Variants in PRTFDC1 observed in about 807,000 individuals in gnomAD.
PRTFDC1 encodes phosphoribosyl transferase domain containing 1.
PRTFDC1 carries 38 observed loss-of-function variants against 34.6 expected under a neutral mutation model. The ratio of observed to expected loss-of-function variants is 1.10; its 90% CI spans 0.85 to 1.44. The LOEUF (loss-of-function observed/expected upper bound fraction) is 1.44, where lower values mean the gene tolerates loss of function less well. Ranked by LOEUF, PRTFDC1 falls within the 40% of genes most tolerant of loss-of-function variation. The pLI, the probability that PRTFDC1 is intolerant of heterozygous loss-of-function variation, is 0.00. For missense variants in PRTFDC1, 270 were observed against 283.0 expected (o/e 0.95, Z 0.33); for synonymous variants, 93 against 98.1 (o/e 0.95, Z 0.31).
At chr10:24,892,407 A>AT (rs59897617) in intron 3 of PRTFDC1, among the ~76,000 whole-genome samples, 160 of 148,838 alleles carry the variant, frequency 1.1e-3, no homozygotes, top group Middle Eastern at 3.5e-3. Flanking sequence ...AGCATTTGTG[A>AT]TTTTTTTTTT....
intron 3 of PRTFDC1, among the ~76,000 whole-genome samples, chr10:24,894,869 C>T (rs1457016074): frequency 1.3e-5 from 2 of 152,260 alleles, no homozygotes; most frequent in East Asian, 3.9e-4. Flanking sequence ...TGCAGCCTGG[C>T]TCAGAGTGGG....
intron 3 of PRTFDC1, among the ~76,000 whole-genome samples, chr10:24,902,746 T>G (rs1051011225): frequency 1.3e-5 from 2 of 152,236 alleles, no homozygotes; most frequent in African/African-American, 4.8e-5. Flanking sequence ...AGATTACAGT[T>G]AGATTTCCTT....
intron 3 of PRTFDC1, among the ~76,000 whole-genome samples, chr10:24,885,168 G>A (rs1312385735): frequency 6.6e-6 from 1 of 152,208 alleles, no homozygotes; most frequent in Non-Finnish European, 1.5e-5. Context: ...TCAGCAAAGG[G>A]TATGTGGATC....
chr10:24,899,213 G>T (rs1019237831), intron 3 of PRTFDC1, among the ~76,000 whole-genome samples: 4 of 152,140 alleles, frequency 2.6e-5, no homozygotes, highest in Admixed American at 6.6e-5. Context: ...GGCAACTGAG[G>T]AAATTGCTGG....
intron 3 of PRTFDC1, among the ~76,000 whole-genome samples, chr10:24,879,211 T>G (rs1848023890): frequency 6.6e-6 from 1 of 152,152 alleles, no homozygotes; most frequent in African/African-American, 2.4e-5. Flanking sequence ...AGATGTGACT[T>G]GTAATTGAGT....
chr10:24,938,446 G>T (rs1338076777), intron 2 of PRTFDC1, among the ~76,000 whole-genome samples: 1 of 152,170 alleles, frequency 6.6e-6, no homozygotes, highest in African/African-American at 2.4e-5. Flanking sequence ...ATTCTTGTGT[G>T]GGGATGCTCT....
chr10:24,902,906 A>C (rs1287107836), intron 3 of PRTFDC1, among the ~76,000 whole-genome samples: 2 of 152,224 alleles, frequency 1.3e-5, no homozygotes, highest in Non-Finnish European at 2.9e-5. Flanking sequence ...TTTAATAAGA[A>C]AATATAGGGG....
chr10:24,899,803 C>T (rs1848422193), intron 3 of PRTFDC1, among the ~76,000 whole-genome samples: 1 of 152,180 alleles, frequency 6.6e-6, no homozygotes, highest in South Asian at 2.1e-4. Flanking sequence ...CAATAAAATG[C>T]TCTAATTCAG....
chr10:24,950,098 A>G (rs149698617), intron 1 of PRTFDC1, among the ~76,000 whole-genome samples: 509 of 152,252 alleles, frequency 3.3e-3, no homozygotes, highest in Middle Eastern at 0.014. Context: ...CTTGCTTCCA[A>G]GAGGACCTCT....
At chr10:24,897,517 C>G (rs1162099687) in intron 3 of PRTFDC1, among the ~76,000 whole-genome samples, 1 of 152,098 alleles carries the variant, frequency 6.6e-6, no homozygotes, top group Admixed American at 6.6e-5. Flanking sequence ...GGCAGGAAAC[C>G]CTGTTAGCAT....
At position 24,849,303 on chromosome 10, in the gene PRTFDC1, T is replaced by C. The variant is rs1225915904; in HGVS notation, c.*541A>G. The C allele has an allele frequency of 6.5e-6, 1 of 152,806 alleles. No individual in the cohort carries two copies. The highest frequency in any genetic ancestry group is 1.5e-5 in the Non-Finnish European group (1 of 68,158). 9.5% of individuals were successfully genotyped at this position (152,806 alleles called of 1,614,324 possible). ...AAGGCTTTGTCAAAGCAGATAATAA[T>C]GGCCTGTCAGAAATGCACAAACAGA... On this transcript the variant is annotated 3_prime_UTR_variant, in exon 9 of 9. Coordinates refer to ENST00000320152, the MANE Select transcript of PRTFDC1 (RefSeq NM_020200.7).
chr10:24,907,956 T>G lies in PRTFDC1; in HGVS notation c.339+29228A>C, dbSNP rs529162873. ...TCTAGGGCTAGGCAACAAAATGGCA[T>G]GACCTTTGTCCTAAGAGTTTGATTT... On this transcript the variant is annotated intron_variant, in intron 3 of 8. Transcript: ENST00000320152. Among the ~76,000 whole-genome samples, 3 of 152,350 alleles carry G rather than the reference T, an allele frequency of 2.0e-5. No homozygotes were observed. The South Asian group carries it at 6.2e-4, about 32-fold the overall frequency.
rs551037994 is a variant in PRTFDC1 at position 24,881,410 on chromosome 10, G to A, written c.340-9347C>T. Among the ~76,000 whole-genome samples, 4 of 152,218 alleles carry A rather than the reference G, an allele frequency of 2.6e-5. No homozygotes were observed. The East Asian group carries it at 5.8e-4, about 22-fold the overall frequency. On this transcript the variant is annotated intron_variant, in intron 3 of 8. Coordinates refer to ENST00000320152, the MANE Select transcript of PRTFDC1 (RefSeq NM_020200.7). ...ACCTGGAGATCATGCTCTGACCCAC[G>A]TTTGTACTTATTGGCTCTCCCTGGA...
chr10:24,934,266 A>G (rs1318865822), intron 3 of PRTFDC1, among the ~76,000 whole-genome samples: 1 of 146,396 alleles, frequency 6.8e-6, no homozygotes, highest in African/African-American at 2.5e-5. Context: ...GAAGAAGAAG[A>G]AGAAGAAGAA....
intron 3 of PRTFDC1, among the ~76,000 whole-genome samples, chr10:24,894,413 G>T (rs1254710415): frequency 2.0e-5 from 3 of 152,122 alleles, no homozygotes; most frequent in Admixed American, 2.0e-4. Flanking sequence ...TGCATGAGCT[G>T]TGAGTCATGC....
intron 1 of PRTFDC1, among the ~76,000 whole-genome samples, chr10:24,949,924 A>G (rs1849313598): frequency 2.6e-5 from 4 of 151,838 alleles, no homozygotes; most frequent in African/African-American, 9.7e-5. Flanking sequence ...AGTAGCAGCA[A>G]GGTTTTACGA....
At chr10:24,878,058 A>C (rs998019767) in intron 3 of PRTFDC1, among the ~76,000 whole-genome samples, 1 of 152,174 alleles carries the variant, frequency 6.6e-6, no homozygotes, top group South Asian at 2.1e-4. Context: ...AGGCAGGTGG[A>C]TTACTTGAGG....
intron 3 of PRTFDC1, among the ~76,000 whole-genome samples, chr10:24,897,953 C>G (rs61854296): frequency 6.6e-6 from 1 of 151,830 alleles, no homozygotes; most frequent in African/African-American, 2.4e-5. Flanking sequence ...TGGTGCAGGG[C>G]GTCTTTAAAG....
Position 24,848,739 on chromosome 10 carries a change from G to C in PRTFDC1, c.*1105C>G, listed in dbSNP as rs1015910534. The C allele has an allele frequency of 2.0e-5, 3 of 152,106 alleles. No homozygotes were observed. The highest frequency in any genetic ancestry group is 4.4e-5 in the Non-Finnish European group (3 of 68,022). 9.4% of individuals were successfully genotyped at this position (152,106 alleles called of 1,614,324 possible). On this transcript the variant is annotated 3_prime_UTR_variant, in exon 9 of 9. Transcript: ENST00000320152. ...GTTATTTATTTTGCATTTGCATTTT[G>C]TAGGAAGTGAGAAAAAAACAGCTCT...
Sources: allele counts gnomAD v4.1 joint callset (sites outside exome capture counted in the v4.1 genomes callset), GRCh38; gene constraint gnomAD v4.1.1; transcripts MANE v1.5; gene names NCBI Gene and HGNC (gene_info 2026-07-23, HGNC 2026-07-21).